SLC5A10: variants seen among roughly 807,000 people sequenced by gnomAD.
The protein encoded by SLC5A10 is solute carrier family 5 member 10.
SLC5A10 carries 55 observed loss-of-function variants against 68.9 expected under a neutral mutation model. The observed-to-expected ratio is 0.80, with a 90% CI of 0.64 to 1.00. SLC5A10 has a LOEUF of 1.00. Among genes scored for constraint, SLC5A10 ranks in the 50% least tolerant of loss-of-function variants. The pLI is 0.00. For missense variants in SLC5A10, 732 were observed against 819.3 expected (o/e 0.89, Z 1.30); for synonymous variants, 344 against 344.8 (o/e 1.00, Z 0.02).
intron 5 of SLC5A10, 43 bp downstream of exon 5, chr17:18,960,695 C>T (rs752828175): frequency 3.8e-6 from 6 of 1,574,620 alleles, no homozygotes; most frequent in Middle Eastern, 1.7e-4. Context: ...CTGGAAACAT[C>T]GCCAATCTGT....
chr17:18,968,935 C>A lies in SLC5A10; in HGVS notation c.454-117C>A. The A allele has an allele frequency of 1.2e-6, 1 of 843,938 alleles. No homozygotes were observed. Among genetic ancestry groups the A allele is most frequent in the Non-Finnish European group, 1.8e-6 (1 of 560,484 alleles). 52.3% of individuals were successfully genotyped at this position (843,938 alleles called of 1,614,324 possible). On this transcript the variant is annotated intron_variant, in intron 5 of 14. Coordinates refer to ENST00000395645, the MANE Select transcript of SLC5A10 (RefSeq NM_001042450.4). This position sits in a 1 kb window ranked among gnomAD's most constrained non-coding sequence, Gnocchi z 4.1. The stretch of plus-strand genomic sequence containing the variant: ...AGGCAGGCAGGCGAGTGGGGGTCTC[C>A]CCTCCTTATCCACAGGCCACCGAGG...
intron 1 of SLC5A10, among the ~76,000 whole-genome samples, chr17:18,957,838 T>C (rs2042535188): frequency 6.6e-6 from 1 of 152,230 alleles, no homozygotes; most frequent in Admixed American, 6.5e-5. Flanking sequence ...TACCTGTAGC[T>C]AGCTCCAAAA....
In SLC5A10 at chr17:19,020,148, C is replaced by T. The variant is rs1351395251; in HGVS notation, c.1627-7C>T. ...CCCCCAACCCTATCCTCACTCATTT[C>T]TTACAGATTGAGAACCTTACCTGGT... On this transcript the variant is annotated splice_polypyrimidine_tract_variant and splice_region_variant and intron_variant, in intron 13 of 14. Transcript: ENST00000395645. 3 of 1,252,718 alleles carry T rather than the reference C, an allele frequency of 2.4e-6. No homozygotes were observed. Among genetic ancestry groups the T allele is most frequent in the Non-Finnish European group, 2.1e-6 (2 of 932,314 alleles). The allele number at this position is 1,252,718 out of a possible 1,614,324, so 77.6% of individuals were successfully genotyped here.
chr17:19,007,696 T>C (rs1216084751), intron 9 of SLC5A10, among the ~76,000 whole-genome samples: 1 of 152,238 alleles, frequency 6.6e-6, no homozygotes, highest in Non-Finnish European at 1.5e-5. Context: ...GCAAATATTT[T>C]CTCCCAGTCA....
chr17:18,995,560 A>G (rs1208802325), intron 9 of SLC5A10, among the ~76,000 whole-genome samples: 1 of 152,200 alleles, frequency 6.6e-6, no homozygotes, highest in Non-Finnish European at 1.5e-5. Flanking sequence ...GAGAGACTAA[A>G]AAAATAAATA....
rs144451471 is a variant in SLC5A10 at position 18,982,399 on chromosome 17, G to A, written c.982+5410G>A. 2.5e-3 allele frequency among the ~76,000 whole-genome samples: 375 copies of A among 152,350 alleles called. 2 individuals are homozygous for A. The highest frequency in any genetic ancestry group is 8.2e-3 in the African/African-American group (343 of 41,580). ...GTCTCAAGACTCTGGGCTCGTGTGC[G>A]CAGAGGTGGAGGATCCCACAAAGCT... On this transcript the variant is annotated intron_variant, in intron 9 of 14. Coordinates refer to ENST00000395645, the MANE Select transcript of SLC5A10 (RefSeq NM_001042450.4).
chr17:18,969,400 G>A lies in SLC5A10; in HGVS notation c.618G>A (p.Gly206=). 1.2e-6 allele frequency: 2 copies of A among 1,613,818 alleles called. No homozygotes were observed. The part of the protein sequence containing the change: ...DALQTLIMVV[G]AVILTIKAFD... Reference sequence around the variant, plus strand: ...TGCAGACGCTCATCATGGTGGTGGGGGCTGTCATCCTGACAATCAAAGGTG... The same window carrying A: ...TGCAGACGCTCATCATGGTGGTGGGAGCTGTCATCCTGACAATCAAAGGTG... The change falls in exon 7 of 15, where the codon GGG becomes GGA. Residue 206 remains glycine, a synonymous_variant. Transcript: ENST00000395645.
upstream of SLC5A10, chr17:18,951,815 C>G (rs1254320717): frequency 9.4e-6 from 2 of 212,854 alleles, no homozygotes; most frequent in South Asian, 1.6e-4. Flanking sequence ...TCCCTACGCT[C>G]TATGCTTCTT....
chr17:18,952,194 G>A lies in SLC5A10; in HGVS notation c.-12G>A, dbSNP rs765781163. ...CCTCGGGCTCATACCTAGTGCCTGC[G>A]GCAGGACAGCCATGGCCGCCAACTC... is the stretch of plus-strand genomic sequence containing the variant. On this transcript the variant is annotated 5_prime_UTR_variant, in exon 1 of 15. Coordinates refer to ENST00000395645, the MANE Select transcript of SLC5A10 (RefSeq NM_001042450.4). The A allele has an allele frequency of 3.1e-6, 5 of 1,610,400 alleles. No homozygotes were observed. The highest frequency in any genetic ancestry group is 1.7e-5 in the Admixed American group (1 of 59,696).
chr17:18,973,380 G>T (rs1048119516), intron 8 of SLC5A10, among the ~76,000 whole-genome samples: 1 of 152,244 alleles, frequency 6.6e-6, no homozygotes, highest in Non-Finnish European at 1.5e-5. Context: ...ACACAGGGAG[G>T]TGGAGGAGGA....
At chr17:18,983,610 A>G (rs1242497208) in intron 9 of SLC5A10, among the ~76,000 whole-genome samples, 1 of 152,210 alleles carries the variant, frequency 6.6e-6, no homozygotes. Flanking sequence ...TGCAAGGAAC[A>G]GAGCCCAACA....
Position 18,971,273 on chromosome 17 carries a change from G to A in SLC5A10, c.846+55G>A. The A allele has an allele frequency of 1.9e-6, 3 of 1,610,896 alleles. No homozygotes were observed. In the East Asian group the frequency reaches 6.7e-5, roughly 36 times the overall value. On this transcript the variant is annotated intron_variant, in intron 8 of 14. Transcript: ENST00000395645. The surrounding 1 kb of genome is among the most constrained non-coding windows in gnomAD (Gnocchi z 5.5). Reference sequence around the variant, plus strand: ...CCTTCCTGCCGTCCCAGTGGGCTCTGGTAGGCCCAGGCGGCCTGTCTGCCC... The same window carrying A: ...CCTTCCTGCCGTCCCAGTGGGCTCTAGTAGGCCCAGGCGGCCTGTCTGCCC...
At chr17:18,977,947 G>A in intron 9 of SLC5A10, 1 of 1,604,824 alleles carries the variant, frequency 6.2e-7, no homozygotes, top group Non-Finnish European at 8.5e-7. Context: ...CCAGCCCATT[G>A]GGGAGCCCCA....
upstream of SLC5A10, among the ~76,000 whole-genome samples, chr17:18,951,299 G>C (rs1311041580): frequency 6.6e-6 from 1 of 152,256 alleles, no homozygotes; most frequent in East Asian, 1.9e-4. Context: ...CTGCGGTGGA[G>C]ACGGTGGGGC....
chr17:18,969,888 G>A (rs1313866288), intron 7 of SLC5A10: 2 of 157,430 alleles, frequency 1.3e-5, no homozygotes, highest in Middle Eastern at 2.9e-3. Context: ...GGAGAGATTG[G>A]CGATACTAGT....
At chr17:18,977,911 GTCA>G (rs756232582) in intron 9 of SLC5A10, 4 of 1,610,224 alleles carry the variant, frequency 2.5e-6, no homozygotes, top group South Asian at 2.2e-5. Flanking sequence ...TTACGTAGTC[GTCA>G]TCATCTTCTT....
chr17:19,015,155 G>T lies in SLC5A10; in HGVS notation c.1197G>T (p.Arg399=), dbSNP rs761167335. Residue 399 remains arginine, a synonymous_variant, in exon 11 of 15, where the codon CGG becomes CGT. Coordinates refer to ENST00000395645, the MANE Select transcript of SLC5A10 (RefSeq NM_001042450.4). ...TCTTCACTATGGACATCTGGAGGCG[G>T]CTGCGTCCCCGCTCCGGCGAGCGGG... The part of the protein sequence containing the change: ...STLFTMDIWR[R]LRPRSGEREL... 2.8e-5 allele frequency: 45 copies of T among 1,610,526 alleles called. No individual in the cohort carries two copies. The highest frequency in any genetic ancestry group is 3.7e-5 in the Non-Finnish European group (44 of 1,177,930).
chr17:18,975,555 G>A (rs1248431807), intron 8 of SLC5A10, among the ~76,000 whole-genome samples: 6 of 152,210 alleles, frequency 3.9e-5, no homozygotes, highest in East Asian at 3.9e-4. Flanking sequence ...TTAGCCGGGC[G>A]TGGTGGCTCA....
At chr17:19,016,467 T>C (rs1006245944) in intron 11 of SLC5A10, among the ~76,000 whole-genome samples, 1 of 152,132 alleles carries the variant, frequency 6.6e-6, no homozygotes, top group Non-Finnish European at 1.5e-5. Flanking sequence ...CACACTCTGC[T>C]GCTCGGGGGT....
Sources: allele counts gnomAD v4.1 joint callset (sites outside exome capture counted in the v4.1 genomes callset), GRCh38; gene constraint gnomAD v4.1.1; non-coding constraint Gnocchi (gnomAD v3.1); transcripts MANE v1.5; gene names NCBI Gene and HGNC (gene_info 2026-07-23, HGNC 2026-07-21).